The following UNC5D variants were observed in gnomAD, a reference collection of about 807,000 sequenced individuals.
UNC5D encodes unc-5 netrin receptor D.
A neutral mutation model predicts 105.4 loss-of-function variants in UNC5D; 39 were observed. The observed-to-expected ratio is 0.37, with a 90% CI of 0.29 to 0.48. The LOEUF (loss-of-function observed/expected upper bound fraction) is 0.48, where lower values mean the gene tolerates loss of function less well. Among genes scored for constraint, UNC5D ranks in the 20% least tolerant of loss-of-function variants. The probability of loss-of-function intolerance (pLI) is 0.98; values close to 1 mark genes in which losing one functional copy is unlikely to be tolerated. For missense variants in UNC5D, 991 were observed against 1,202.4 expected (o/e 0.82, Z 2.60); for synonymous variants, 452 against 450.4 (o/e 1.00, Z -0.04).
chr8:35,673,120 T>C (rs1162578031), intron 4 of UNC5D, among the ~76,000 whole-genome samples: 1 of 152,172 alleles, frequency 6.6e-6, no homozygotes, highest in Non-Finnish European at 1.5e-5. Flanking sequence ...ATCAGATAAG[T>C]AGAGCTAAAT....
intron 1 of UNC5D, among the ~76,000 whole-genome samples, chr8:35,347,124 G>A (rs1461832281): frequency 6.6e-6 from 1 of 152,002 alleles, no homozygotes; most frequent in African/African-American, 2.4e-5. Context: ...TTGGAAAATG[G>A]CCTTTGAGTC....
At position 35,792,674 on chromosome 8, in the gene UNC5D, A is replaced by G. The variant is rs545663142; in HGVS notation, c.*2111A>G. ...TGTGCAGAGGAAAGCTGCATTCACT[A>G]TTGAGTAAAAACTTGTAGAAAGCAC... On this transcript the variant is annotated 3_prime_UTR_variant, in exon 17 of 17. Coordinates refer to ENST00000404895, the MANE Select transcript of UNC5D (RefSeq NM_080872.4). 5.2e-6 allele frequency: 1 copy of G among 191,842 alleles called. No individual in the cohort carries two copies. Among genetic ancestry groups the G allele is most frequent in the South Asian group, 9.3e-5 (1 of 10,800 alleles). The allele number at this position is 191,842 out of a possible 1,614,324, so 11.9% of individuals were successfully genotyped here.
At chr8:35,298,233 C>A (rs1215372466) in intron 1 of UNC5D, among the ~76,000 whole-genome samples, 2 of 152,164 alleles carry the variant, frequency 1.3e-5, no homozygotes, top group Admixed American at 6.5e-5. Context: ...TGGCTCTTTC[C>A]AAGTTTAAGG....
chr8:35,745,983 T>C (rs568403471), intron 11 of UNC5D, among the ~76,000 whole-genome samples: 2 of 152,230 alleles, frequency 1.3e-5, no homozygotes, highest in African/African-American at 4.8e-5. Flanking sequence ...AGGCTCATTT[T>C]TTTTTTTGTC....
At chr8:35,267,766 A>T (rs979209187) in intron 1 of UNC5D, among the ~76,000 whole-genome samples, 1 of 152,106 alleles carries the variant, frequency 6.6e-6, no homozygotes, top group Non-Finnish European at 1.5e-5. Context: ...AACCGCATAG[A>T]TGTTCTCTGG....
At chr8:35,317,075 A>G (rs993047506) in intron 1 of UNC5D, among the ~76,000 whole-genome samples, 3 of 152,170 alleles carry the variant, frequency 2.0e-5, no homozygotes, top group African/African-American at 7.2e-5. Context: ...CTTTATAGAT[A>G]AAGATATTGA....
chr8:35,755,992 C>A (rs1365927021), intron 13 of UNC5D, among the ~76,000 whole-genome samples: 1 of 152,160 alleles, frequency 6.6e-6, no homozygotes, highest in Non-Finnish European at 1.5e-5. Flanking sequence ...GCCTAGCCCC[C>A]CAGAGTAATA....
intron 1 of UNC5D, among the ~76,000 whole-genome samples, chr8:35,264,196 A>G (rs1585442496): frequency 6.6e-6 from 1 of 152,202 alleles, no homozygotes; most frequent in African/African-American, 2.4e-5. Context: ...CAAAAATTGT[A>G]GCTTATCAAT....
At chr8:35,469,243 C>A (rs1253269239) in intron 1 of UNC5D, among the ~76,000 whole-genome samples, 2 of 152,154 alleles carry the variant, frequency 1.3e-5, no homozygotes, top group Admixed American at 1.3e-4. Flanking sequence ...TAGATTTAAG[C>A]TTAGACAGCC....
In UNC5D at chr8:35,549,335, T is replaced by C; in HGVS notation, c.147T>C (p.Ala49=). 1 of 1,613,466 alleles carries C rather than the reference T, an allele frequency of 6.2e-7. No individual in the cohort carries two copies. The highest frequency in any genetic ancestry group is 8.5e-7 in the Non-Finnish European group (1 of 1,180,036). The part of the protein sequence containing the change: ...GEALPESIPS[A]PGTLPHFIEE... Reference sequence around the variant, plus strand: ...CCCTTCCCGAATCCATCCCATCAGCTCCTGGGACACTGCCTCATTTCATAG... The same window carrying C: ...CCCTTCCCGAATCCATCCCATCAGCCCCTGGGACACTGCCTCATTTCATAG... The change falls in exon 2 of 17, where the codon GCT becomes GCC. Residue 49 remains alanine, a synonymous_variant. Coordinates refer to ENST00000404895, the MANE Select transcript of UNC5D (RefSeq NM_080872.4).
intron 8 of UNC5D, among the ~76,000 whole-genome samples, chr8:35,714,230 C>T (rs1392279149): frequency 6.6e-6 from 1 of 152,140 alleles, no homozygotes. Context: ...AGCCATGTCC[C>T]TGGTGGTGTC....
intron 1 of UNC5D, among the ~76,000 whole-genome samples, chr8:35,520,299 G>A (rs961150850): frequency 2.6e-5 from 4 of 152,032 alleles, no homozygotes; most frequent in Non-Finnish European, 5.9e-5. Flanking sequence ...AAGTGAAAGA[G>A]GCCAGTCGCA....
intron 1 of UNC5D, among the ~76,000 whole-genome samples, chr8:35,308,644 C>A (rs1808624761): frequency 6.6e-6 from 1 of 152,124 alleles, no homozygotes; most frequent in South Asian, 2.1e-4. Context: ...TACAAAATGA[C>A]ACTTCCTGAG....
chr8:35,273,466 A>T (rs1454049782), intron 1 of UNC5D, among the ~76,000 whole-genome samples: 14 of 152,216 alleles, frequency 9.2e-5, no homozygotes, highest in Admixed American at 9.2e-4. Flanking sequence ...TATTAGGATG[A>T]AAAAGCTTAC....
At chr8:35,488,677 T>TTTATATGATCATATTATATGA (rs1387413448) in intron 1 of UNC5D, among the ~76,000 whole-genome samples, 2 of 152,210 alleles carry the variant, frequency 1.3e-5, no homozygotes, top group Non-Finnish European at 2.9e-5. Flanking sequence ...TCAGACTTGT[T>TTTATATGATCATATTATATGA]TTATATGATC....
chr8:35,449,119 A>G (rs1807982655), intron 1 of UNC5D, among the ~76,000 whole-genome samples: 1 of 152,200 alleles, frequency 6.6e-6, no homozygotes, highest in Non-Finnish European at 1.5e-5. Flanking sequence ...CTGATGACAT[A>G]TCTTTGATAT....
rs1391186101 is a variant in UNC5D, at chr8:35,307,502, G to A, written c.103+71615G>A. ...GTTTGACTGGTACTAGTTACTAATG[G>A]GACAGTGAGAAGACCTAAAAGTTTT... On this transcript the variant is annotated intron_variant, in intron 1 of 16. Transcript: ENST00000404895. 7.2e-5 allele frequency among the ~76,000 whole-genome samples: 11 copies of A among 152,202 alleles called. No individual in the cohort carries two copies. In the East Asian group the frequency reaches 1.9e-3, roughly 27 times the overall value.
intron 7 of UNC5D, among the ~76,000 whole-genome samples, chr8:35,694,696 A>AGTGTGTGT (rs3077800): frequency 1.7e-4 from 25 of 149,658 alleles, no homozygotes; most frequent in African/African-American, 4.7e-4. Context: ...CAATAACTAT[A>AGTGTGTGT]GTGTGTGTGT....
chr8:35,253,857 A>G (rs1265168740), intron 1 of UNC5D, among the ~76,000 whole-genome samples: 1 of 152,048 alleles, frequency 6.6e-6, no homozygotes, highest in African/African-American at 2.4e-5. Context: ...TCTTTCTCTA[A>G]TGATCTGCAA....
Sources: allele counts gnomAD v4.1 joint callset (sites outside exome capture counted in the v4.1 genomes callset), GRCh38; gene constraint gnomAD v4.1.1; transcripts MANE v1.5; gene names NCBI Gene and HGNC (gene_info 2026-07-23, HGNC 2026-07-21).